Variants in ABTB3 observed in about 807,000 individuals in gnomAD.
ABTB3 encodes the protein ankyrin repeat- and BTB/POZ domain-containing protein 3.
the ABTB3 span, among the ~76,000 whole-genome samples, chr12:107,328,791 A>C: frequency 6.6e-6 from 1 of 152,206 alleles, no homozygotes; most frequent in East Asian, 1.9e-4. Context: ...CAGTGGTGAA[A>C]TCTGGATCAT....
chr12:107,318,787 C>A, the ABTB3 span: 2 of 837,908 alleles, frequency 2.4e-6, no homozygotes, highest in Non-Finnish European at 1.8e-6. Flanking sequence ...TTCCGGGAGG[C>A]AGCCGAAAGT....
At chr12:107,654,906 A>C in the ABTB3 span, among the ~76,000 whole-genome samples, 1 of 150,250 alleles carries the variant, frequency 6.7e-6, no homozygotes, top group Non-Finnish European at 1.5e-5. Flanking sequence ...GTTTCTCAGG[A>C]CACAAGCATT....
chr12:107,537,485 G>A, the ABTB3 span, among the ~76,000 whole-genome samples: 1,553 of 152,142 alleles, frequency 0.01, 26 homozygotes, highest in Non-Finnish European at 0.011. Flanking sequence ...ATATCACTGT[G>A]TACCCCATAA....
the ABTB3 span, among the ~76,000 whole-genome samples, chr12:107,577,005 T>G: frequency 2.6e-5 from 4 of 152,322 alleles, no homozygotes; most frequent in Admixed American, 2.0e-4. Context: ...TCCAATAGAA[T>G]CGAAGAATAT....
the ABTB3 span, chr12:107,617,581 G>T: frequency 2.7e-6 from 3 of 1,096,156 alleles, no homozygotes; most frequent in Non-Finnish European, 3.8e-6. Flanking sequence ...TCTGGCCAGA[G>T]CGACCCTACC....
the ABTB3 span, among the ~76,000 whole-genome samples, chr12:107,373,805 C>G: frequency 7.2e-5 from 11 of 152,324 alleles, no homozygotes; most frequent in East Asian, 2.1e-3. Context: ...GGGATGGCCC[C>G]GTAACTCAGC....
chr12:107,644,546 A>C, the ABTB3 span, among the ~76,000 whole-genome samples: 1 of 152,186 alleles, frequency 6.6e-6, no homozygotes, highest in African/African-American at 2.4e-5. Context: ...TAAAACACAG[A>C]GAACATTTTA....
the ABTB3 span, among the ~76,000 whole-genome samples, chr12:107,333,803 T>A: frequency 1.3e-5 from 2 of 152,106 alleles, no homozygotes; most frequent in Admixed American, 6.5e-5. Flanking sequence ...ACACACTGAA[T>A]AAGTAAAAGT....
At chr12:107,519,480 G>C in the ABTB3 span, among the ~76,000 whole-genome samples, 1 of 151,868 alleles carries the variant, frequency 6.6e-6, no homozygotes, top group Non-Finnish European at 1.5e-5. Context: ...CCCACACCCA[G>C]CTAATTTTTA....
the ABTB3 span, among the ~76,000 whole-genome samples, chr12:107,385,586 C>T: frequency 1.1e-4 from 16 of 152,254 alleles, no homozygotes; most frequent in Admixed American, 2.0e-4. Context: ...GAAGCCTTCC[C>T]GAGGTGTGGT....
the ABTB3 span, among the ~76,000 whole-genome samples, chr12:107,396,268 G>A: frequency 1.3e-5 from 2 of 152,322 alleles, no homozygotes; most frequent in East Asian, 1.9e-4. Context: ...AACAATGCCT[G>A]CCACTCACAG....
chr12:107,329,302 G>A, the ABTB3 span, among the ~76,000 whole-genome samples: 4,412 of 152,028 alleles, frequency 0.029, 108 homozygotes, highest in Non-Finnish European at 0.048. Context: ...TACAAGCCAG[G>A]TGATCTTGGG....
At chr12:107,520,674 G>A in the ABTB3 span, 1 of 1,608,116 alleles carries the variant, frequency 6.2e-7, no homozygotes, top group South Asian at 1.1e-5. Flanking sequence ...CATGCCTCAA[G>A]ACATATCCTG....
At chr12:107,608,018 T>A in the ABTB3 span, among the ~76,000 whole-genome samples, 1 of 152,090 alleles carries the variant, frequency 6.6e-6, no homozygotes, top group Admixed American at 6.5e-5. Flanking sequence ...ACCAGGAATC[T>A]CGAACACCTG....
At chr12:107,446,193 A>G in the ABTB3 span, among the ~76,000 whole-genome samples, 2 of 152,138 alleles carry the variant, frequency 1.3e-5, no homozygotes, top group South Asian at 4.1e-4. Flanking sequence ...CGCTGAGTGC[A>G]TGGGAAAGAG....
the ABTB3 span, among the ~76,000 whole-genome samples, chr12:107,460,453 G>C: frequency 6.6e-6 from 1 of 152,162 alleles, no homozygotes; most frequent in East Asian, 1.9e-4. Flanking sequence ...GCAGGAGTTC[G>C]AGACCACCCT....
chr12:107,418,026 C>T, the ABTB3 span, among the ~76,000 whole-genome samples: 2 of 152,204 alleles, frequency 1.3e-5, no homozygotes, highest in Admixed American at 6.5e-5. Context: ...ATGGTTAATA[C>T]TGAGTGTCAA....
chr12:107,392,170 C>T, the ABTB3 span, among the ~76,000 whole-genome samples: 1 of 152,212 alleles, frequency 6.6e-6, no homozygotes, highest in Admixed American at 6.5e-5. Flanking sequence ...AGGAGATGCC[C>T]TTTCTCTGGG....
At chr12:107,566,648 T>TACACAC in the ABTB3 span, among the ~76,000 whole-genome samples, 6,633 of 136,386 alleles carry the variant, frequency 0.049, 168 homozygotes, top group African/African-American at 0.076. Flanking sequence ...CTAATTTAAA[T>TACACAC]ACACACACAC....
Sources: allele counts gnomAD v4.1 joint callset (sites outside exome capture counted in the v4.1 genomes callset), GRCh38; gene constraint gnomAD v4.1.1; transcripts MANE v1.5; gene names NCBI Gene and HGNC (gene_info 2026-07-23, HGNC 2026-07-21).